Variants in DCAF8L2 observed in about 807,000 individuals in gnomAD.
DCAF8L2 encodes the protein DDB1- and CUL4-associated factor 8-like protein 2.
For synonymous variants in DCAF8L2, 200 were observed against 190.9 expected, an observed-to-expected ratio of 1.05 and a Z score of -0.39; for missense variants, 430 against 490.7, an observed-to-expected ratio of 0.88 and a Z score of 1.17.
intron 2 of DCAF8L2, among the ~76,000 whole-genome samples, chrX:27,670,834 C>A (rs1337088349): frequency 7.2e-5 from 8 of 111,632 alleles, no homozygotes; most frequent in Non-Finnish European, 1.5e-4. Context: ...CCTCTCTCAT[C>A]GCTCTGACAT....
intron 2 of DCAF8L2, among the ~76,000 whole-genome samples, chrX:27,663,375 A>G (rs974054794): frequency 8.9e-6 from 1 of 111,998 alleles, no homozygotes; most frequent in Non-Finnish European, 1.9e-5. Context: ...GCAAGTAAGT[A>G]GGTGCCATTT....
At chrX:27,688,014 A>G (rs1930573608) in intron 3 of DCAF8L2, among the ~76,000 whole-genome samples, 1 of 111,847 alleles carries the variant, frequency 8.9e-6, no homozygotes, top group African/African-American at 3.2e-5. Context: ...TTAAATGGCT[A>G]AATAAAGTTT....
At chrX:27,723,001 A>T (rs1008677607) in intron 4 of DCAF8L2, among the ~76,000 whole-genome samples, 1 of 110,901 alleles carries the variant, frequency 9.0e-6, no homozygotes, top group Non-Finnish European at 1.9e-5. Flanking sequence ...AAAAATCATT[A>T]AAAGGATTTT....
chrX:27,561,203 C>A, the DCAF8L2 span, among the ~76,000 whole-genome samples: 1 of 111,746 alleles, frequency 8.9e-6, no homozygotes, highest in Non-Finnish European at 1.9e-5. Flanking sequence ...GTTTGTGTGT[C>A]TTTCCAAGTC....
chrX:27,515,405 C>T, the DCAF8L2 span, among the ~76,000 whole-genome samples: 4 of 111,662 alleles, frequency 3.6e-5, no homozygotes, highest in Admixed American at 9.6e-5. Flanking sequence ...ATTAGCCAGG[C>T]GTGGTGGTGC....
At chrX:27,635,898 G>A (rs1249667333) in intron 2 of DCAF8L2, among the ~76,000 whole-genome samples, 2 of 106,855 alleles carry the variant, frequency 1.9e-5, no homozygotes, top group African/African-American at 6.9e-5. Context: ...TGCAACCTCC[G>A]CCTCCCGGGT....
the DCAF8L2 span, among the ~76,000 whole-genome samples, chrX:27,573,725 A>G: frequency 1.8e-5 from 2 of 111,844 alleles, no homozygotes; most frequent in East Asian, 2.8e-4. Flanking sequence ...CAGTCACTGC[A>G]TTTCAGGAAT....
the DCAF8L2 span, among the ~76,000 whole-genome samples, chrX:27,577,079 A>G: frequency 1.1e-4 from 12 of 111,893 alleles, no homozygotes; most frequent in Non-Finnish European, 1.7e-4. Flanking sequence ...ATGCTATGCA[A>G]CTCCCAGGAT....
intron 1 of DCAF8L2, among the ~76,000 whole-genome samples, chrX:27,591,016 A>ATATATATATATATATATATATATATATAT (rs1569153314): frequency 2.2e-5 from 1 of 44,741 alleles, no homozygotes; most frequent in African/African-American, 5.3e-5. Context: ...TATATATATA[A>ATATATATATATATATATATATATATATAT]ATAAATAATT....
At chrX:27,503,437 G>T in the DCAF8L2 span, among the ~76,000 whole-genome samples, 1 of 111,283 alleles carries the variant, frequency 9.0e-6, no homozygotes, top group Non-Finnish European at 1.9e-5. Context: ...TTTACCTTGT[G>T]TATTTACATC....
chrX:27,685,182 G>A (rs1173362236), intron 3 of DCAF8L2, among the ~76,000 whole-genome samples: 2 of 111,643 alleles, frequency 1.8e-5, no homozygotes, highest in Admixed American at 1.9e-4. Flanking sequence ...ACGAGTTTTT[G>A]TTTTCCAATT....
At chrX:27,569,979 C>A in the DCAF8L2 span, among the ~76,000 whole-genome samples, 1 of 111,655 alleles carries the variant, frequency 9.0e-6, no homozygotes, top group Non-Finnish European at 1.9e-5. Flanking sequence ...TGCCAAGATT[C>A]AACTTTTTGA....
chrX:27,513,916 A>G, the DCAF8L2 span, among the ~76,000 whole-genome samples: 7 of 111,991 alleles, frequency 6.3e-5, no homozygotes, highest in African/African-American at 2.3e-4. Flanking sequence ...CCATTGAGAA[A>G]GGAGAACTCT....
At chrX:27,639,672 G>C (rs746455961) in intron 2 of DCAF8L2, among the ~76,000 whole-genome samples, 1 of 111,051 alleles carries the variant, frequency 9.0e-6, no homozygotes, top group African/African-American at 3.3e-5. Flanking sequence ...TTGTTTTCTT[G>C]TTTTTATTAA....
the DCAF8L2 span, among the ~76,000 whole-genome samples, chrX:27,568,410 A>G: frequency 1.8e-5 from 2 of 111,923 alleles, no homozygotes; most frequent in South Asian, 3.7e-4. Flanking sequence ...GCATGACATG[A>G]ATCAAAGTCT....
intron 1 of DCAF8L2, among the ~76,000 whole-genome samples, chrX:27,609,931 G>A (rs748505383): frequency 1.8e-5 from 2 of 110,963 alleles, no homozygotes; most frequent in Non-Finnish European, 3.8e-5. Context: ...AAACCTCTTC[G>A]TTATTTATTG....
intron 3 of DCAF8L2, among the ~76,000 whole-genome samples, chrX:27,708,742 G>A (rs963536909): frequency 8.9e-6 from 1 of 112,030 alleles, no homozygotes; most frequent in African/African-American, 3.2e-5. Context: ...TTGAGGACCA[G>A]TATCTTCCCC....
chrX:27,615,631 A>G (rs1927437647), intron 1 of DCAF8L2, among the ~76,000 whole-genome samples: 2 of 111,176 alleles, frequency 1.8e-5, no homozygotes, highest in African/African-American at 3.3e-5. Context: ...TTGCAATTCA[A>G]GAAGTCTGCA....
At chrX:27,583,824 G>C in the DCAF8L2 span, among the ~76,000 whole-genome samples, 11,784 of 111,461 alleles carry the variant, frequency 0.11, 600 homozygotes, top group East Asian at 0.24. Flanking sequence ...CCATGAAACC[G>C]ATCCCTGGTG....
Sources: gnomAD v4.1 joint callset for allele counts (sites outside exome capture counted in the v4.1 genomes callset) on GRCh38, gnomAD v4.1.1 for gene constraint, MANE v1.5 for transcripts, NCBI Gene and HGNC (gene_info 2026-07-23, HGNC 2026-07-21) for gene names.